The following MOGAT1 variants were observed in gnomAD, a reference collection of about 807,000 sequenced individuals.
MOGAT1 encodes the protein 2-acylglycerol O-acyltransferase 1.
In MOGAT1, 32 loss-of-function variants were observed where a neutral mutation model predicts 31.4. That is an observed-to-expected ratio of 1.02 (90% CI 0.77 to 1.37). The LOEUF is 1.37. Among genes scored for constraint, MOGAT1 ranks in the 40% most tolerant of loss-of-function variants. The pLI is 0.00. For missense variants in MOGAT1, 426 were observed against 402.0 expected (o/e 1.06, Z -0.51); for synonymous variants, 145 against 144.5 (o/e 1.00, Z -0.03).
At chr2:222,682,840 C>T (rs1314882128) in intron 1 of MOGAT1, among the ~76,000 whole-genome samples, 1 of 152,132 alleles carries the variant, frequency 6.6e-6, no homozygotes, top group African/African-American at 2.4e-5. Flanking sequence ...TGATGCTAAA[C>T]AAAAGTCTAC....
At chr2:222,701,296 G>GA (rs1242340725) in intron 5 of MOGAT1, among the ~76,000 whole-genome samples, 93 of 94,680 alleles carry the variant, frequency 9.8e-4, no homozygotes, top group Middle Eastern at 5.0e-3. Flanking sequence ...GAGAGGAGGA[G>GA]GAGGAGAGAG....
rs747407934 is a variant in MOGAT1, at chr2:222,689,464, G to A, written c.473G>A (p.Ser158Asn). 1.8e-5 allele frequency: 29 copies of A among 1,613,626 alleles called. No homozygotes were observed. The highest frequency in any genetic ancestry group is 2.5e-5 in the Non-Finnish European group (29 of 1,179,612). Residue 158 changes from serine (S) to asparagine (N), a missense_variant, in exon 3 of 6, where the codon AGT (serine) becomes AAT (asparagine). Ser to Asn is a conservative substitution (Grantham distance 46, BLOSUM62 1). Transcript: ENST00000446656. ...WCPVFREYVMSVGLVSVSKKS... is the reference protein window; with the variant it reads ...WCPVFREYVMNVGLVSVSKKS... ...CCTGTCTTTCGAGAATATGTGATGAGTGTTGGTAAGTGATGGCAGATCACT... is the reference window on the plus strand; with the variant it reads ...CCTGTCTTTCGAGAATATGTGATGAATGTTGGTAAGTGATGGCAGATCACT...
At position 222,671,810 on chromosome 2, in the gene MOGAT1, A is replaced by G; in HGVS notation, c.25A>G (p.Asn9Asp). Residue 9 changes from asparagine to aspartate, a missense_variant, in exon 1 of 6, where the codon AAC becomes GAC. Coordinates refer to ENST00000446656, the MANE Select transcript of MOGAT1 (RefSeq NM_058165.3). MKVEFAPL[N>D]IQLARRLQTV... ...CATGAAGGTAGAGTTTGCACCGCTC[A>G]ACATCCAGCTGGCGCGGCGGCTGCA... 1 of 1,553,678 alleles carries G rather than the reference A, an allele frequency of 6.4e-7. No individual in the cohort carries two copies. The highest frequency in any genetic ancestry group is 1.7e-4 in the Middle Eastern group (1 of 5,992).
intron 1 of MOGAT1, among the ~76,000 whole-genome samples, chr2:222,677,163 A>C (rs1037337883): frequency 6.6e-6 from 1 of 152,260 alleles, no homozygotes; most frequent in Non-Finnish European, 1.5e-5. Flanking sequence ...TAAAAGTTCT[A>C]CCACAGCTTC....
At chr2:222,709,401 T>A (rs79296494) in intron 5 of MOGAT1, among the ~76,000 whole-genome samples, 4,400 of 152,316 alleles carry the variant, frequency 0.029, 117 homozygotes, top group African/African-American at 0.063. Context: ...ATGGTCTGGC[T>A]GTCAACTGTT....
At chr2:222,696,242 AT>A (rs1692834978) in intron 5 of MOGAT1, among the ~76,000 whole-genome samples, 1 of 152,124 alleles carries the variant, frequency 6.6e-6, no homozygotes, top group Admixed American at 6.5e-5. Flanking sequence ...GTGCAAGTAT[AT>A]TTTTCGTATA....
intron 1 of MOGAT1, among the ~76,000 whole-genome samples, chr2:222,675,625 G>A (rs1039261385): frequency 3.3e-5 from 5 of 151,796 alleles, no homozygotes; most frequent in Admixed American, 6.6e-5. Flanking sequence ...GACTACAGGC[G>A]CCCACCACCA....
At chr2:222,703,570 A>C (rs1692960592) in intron 5 of MOGAT1, among the ~76,000 whole-genome samples, 1 of 151,782 alleles carries the variant, frequency 6.6e-6, no homozygotes, top group African/African-American at 2.4e-5. Context: ...GTGTGGATCT[A>C]TACATACTCA....
In MOGAT1 at chr2:222,701,414, A is replaced by G. The variant is rs548218341; in HGVS notation, c.853+6126A>G. ...AAAGAAAGAAAGAGAGAGAGAGAGA[A>G]AAATAAAGAAAGAAAGAAAGAGAGG... On this transcript the variant is annotated intron_variant, in intron 5 of 5. Transcript: ENST00000446656. Among the ~76,000 whole-genome samples the G allele has an allele frequency of 3.5e-3, 521 of 149,080 alleles. 2 individuals are homozygous for G. The highest frequency in any genetic ancestry group is 0.012 in the African/African-American group (483 of 40,110).
chr2:222,682,005 G>T (rs1692587503), intron 1 of MOGAT1, among the ~76,000 whole-genome samples: 1 of 152,180 alleles, frequency 6.6e-6, no homozygotes, highest in African/African-American at 2.4e-5. Context: ...GAGGGTAATT[G>T]CATGTTAACT....
chr2:222,709,724 C>T lies in MOGAT1; in HGVS notation c.854-12C>T. 6.2e-7 allele frequency: 1 copy of T among 1,611,648 alleles called. No individual in the cohort carries two copies. The highest frequency in any genetic ancestry group is 1.1e-5 in the South Asian group (1 of 90,746). On this transcript the variant is annotated splice_polypyrimidine_tract_variant and intron_variant, in intron 5 of 5. Coordinates refer to ENST00000446656, the MANE Select transcript of MOGAT1 (RefSeq NM_058165.3). ...TTAGTTCCTCACGTATGATGTATTC[C>T]CTGATTTGCAGTTGGCCGCCCGATC...
chr2:222,705,485 A>T (rs148929150), intron 5 of MOGAT1, among the ~76,000 whole-genome samples: 1 of 152,186 alleles, frequency 6.6e-6, no homozygotes, highest in Non-Finnish European at 1.5e-5. Flanking sequence ...TATTCTCTCC[A>T]TCTGTCCTCC....
chr2:222,673,164 C>T (rs934948333), intron 1 of MOGAT1, among the ~76,000 whole-genome samples: 13 of 151,620 alleles, frequency 8.6e-5, no homozygotes, highest in African/African-American at 3.1e-4. Flanking sequence ...CCGCCTGTCT[C>T]AGCCTCCCAA....
Position 222,679,545 on chromosome 2 carries a change from C to T in MOGAT1, c.94+7666C>T, listed in dbSNP as rs571238917. 2.6e-5 allele frequency among the ~76,000 whole-genome samples: 4 copies of T among 152,298 alleles called. No individual in the cohort carries two copies. The South Asian group carries it at 8.3e-4, about 32-fold the overall frequency. ...AGTACATATGTCCTAAAACCAAGAA[C>T]ATTTCTCTTCCACAGCCACAGTACA... is the stretch of plus-strand genomic sequence containing the variant. On this transcript the variant is annotated intron_variant, in intron 1 of 5. Coordinates refer to ENST00000446656, the MANE Select transcript of MOGAT1 (RefSeq NM_058165.3).
At chr2:222,690,596 T>C (rs924219322) in intron 3 of MOGAT1, among the ~76,000 whole-genome samples, 14 of 152,234 alleles carry the variant, frequency 9.2e-5, no homozygotes, top group African/African-American at 3.1e-4. Flanking sequence ...TTCATGGTCC[T>C]CTAGACTTTT....
At chr2:222,677,858 T>C (rs745916485) in intron 1 of MOGAT1, 1 of 256,074 alleles carries the variant, frequency 3.9e-6, no homozygotes, top group African/African-American at 2.3e-5. Context: ...CCGTACTAAC[T>C]GTGTCCTTCC....
At chr2:222,688,886 C>A (rs1246259737) in intron 2 of MOGAT1, among the ~76,000 whole-genome samples, 1 of 152,178 alleles carries the variant, frequency 6.6e-6, no homozygotes, top group Non-Finnish European at 1.5e-5. Context: ...GTGATAATGG[C>A]GTTAATCCAT....
intron 1 of MOGAT1, among the ~76,000 whole-genome samples, chr2:222,684,826 C>T (rs1284667960): frequency 2.0e-5 from 3 of 152,124 alleles, no homozygotes; most frequent in Non-Finnish European, 2.9e-5. Context: ...CCACCTGCCT[C>T]GGCCTCCCAA....
rs1692812499 is a variant in MOGAT1, at chr2:222,694,515, T to A, written c.632T>A (p.Val211Asp). 1 of 1,613,618 alleles carries A rather than the reference T, an allele frequency of 6.2e-7. No individual in the cohort carries two copies. Among genetic ancestry groups the A allele is most frequent in the Non-Finnish European group, 8.5e-7 (1 of 1,179,760 alleles). ...TTCATCCGCCAGCGGAAAGGATTTG[T>A]TAAAATTGCTTTGACCCATGGGTAA... The part of the protein sequence containing the change: ...TLFIRQRKGF[V>D]KIALTHGASL... The change falls in exon 4 of 6, where the codon GTT (valine) becomes GAT (aspartate). Residue 211 changes from valine (V) to aspartate (D), a missense_variant. By Grantham distance (152) the Val-to-Asp change is radical (BLOSUM62 -3). Coordinates refer to ENST00000446656, the MANE Select transcript of MOGAT1 (RefSeq NM_058165.3).
Sources: allele counts gnomAD v4.1 joint callset (sites outside exome capture counted in the v4.1 genomes callset), GRCh38; gene constraint gnomAD v4.1.1; transcripts MANE v1.5; gene names NCBI Gene and HGNC (gene_info 2026-07-23, HGNC 2026-07-21).